The following MACROD1 variants were observed in gnomAD, a reference collection of about 807,000 sequenced individuals.
The protein encoded by MACROD1 is ADP-ribose glycohydrolase MACROD1.
MACROD1 carries 31 observed loss-of-function variants against 41.4 expected under a neutral mutation model. The ratio of observed to expected loss-of-function variants is 0.75; its 90% CI spans 0.56 to 1.01. The LOEUF is 1.01. Ranked by LOEUF, MACROD1 falls within the 50% of genes least tolerant of loss-of-function variation. The pLI, the probability that MACROD1 is intolerant of heterozygous loss-of-function variation, is 0.00. For synonymous variants in MACROD1, 252 were observed against 203.4 expected, an observed-to-expected ratio of 1.24 and a Z score of -2.03; for missense variants, 473 against 460.0, an observed-to-expected ratio of 1.03 and a Z score of -0.26.
chr11:64,060,842 G>T (rs1402020883), intron 3 of MACROD1, among the ~76,000 whole-genome samples: 1 of 152,172 alleles, frequency 6.6e-6, no homozygotes, highest in Admixed American at 6.5e-5. Context: ...CCCGGAGCCG[G>T]CGGGTGTGAA....
rs754218375 is a variant in MACROD1 at position 63,999,395 on chromosome 11, C to G, written c.827G>C (p.Cys276Ser). 2.3e-5 allele frequency: 36 copies of G among 1,591,420 alleles called. No individual in the cohort carries two copies. Among genetic ancestry groups the G allele is most frequent in the African/African-American group, 1.3e-4 (10 of 74,774 alleles). ...CISTGVFGYP[C>S]EAAAEIVLAT... Reference sequence around the variant, plus strand: ...CAGCACGATCTCGGCGGCCGCCTCACAGGGGTAGCCTGAGGCGGGTGGGGC... The same window carrying G: ...CAGCACGATCTCGGCGGCCGCCTCAGAGGGGTAGCCTGAGGCGGGTGGGGC... The change falls in exon 8 of 11, where the codon TGT becomes TCT. Residue 276 changes from cysteine to serine, a missense_variant. Transcript: ENST00000255681.
chr11:64,052,716 C>G (rs1418657483), intron 3 of MACROD1, among the ~76,000 whole-genome samples: 2 of 152,202 alleles, frequency 1.3e-5, no homozygotes, highest in Non-Finnish European at 2.9e-5. Context: ...AGCCAAGTAG[C>G]CTGCCACAAC....
chr11:64,127,816 G>T (rs1945208820), intron 3 of MACROD1, among the ~76,000 whole-genome samples: 1 of 152,096 alleles, frequency 6.6e-6, no homozygotes, highest in Non-Finnish European at 1.5e-5. Context: ...CACCACCCCA[G>T]ACGCCCCCCA....
At position 64,021,658 on chromosome 11, in the gene MACROD1, G is replaced by C. The variant is rs1243256971; in HGVS notation, c.518-6377C>G. Among the ~76,000 whole-genome samples, 3 of 152,150 alleles carry C rather than the reference G, an allele frequency of 2.0e-5. No individual in the cohort carries two copies. In the East Asian group the frequency reaches 5.9e-4, roughly 30 times the overall value. On this transcript the variant is annotated intron_variant, in intron 3 of 10. Coordinates refer to ENST00000255681, the MANE Select transcript of MACROD1 (RefSeq NM_014067.4). ...GAGGGGCCCCAGCCAGGAGTTGGGG[G>C]GGTGGGGGCTGCTCCCCTAAGTCAC...
chr11:64,128,060 C>T (rs960021482), intron 3 of MACROD1, among the ~76,000 whole-genome samples: 1 of 152,182 alleles, frequency 6.6e-6, no homozygotes, highest in Non-Finnish European at 1.5e-5. Flanking sequence ...TCTCAGTGGC[C>T]GGTGGCCCTG....
At chr11:64,105,526 G>T (rs1944746206) in intron 3 of MACROD1, among the ~76,000 whole-genome samples, 1 of 152,154 alleles carries the variant, frequency 6.6e-6, no homozygotes, top group Non-Finnish European at 1.5e-5. Flanking sequence ...CTCCACACAG[G>T]CTGTGGCCAG....
Position 64,012,130 on chromosome 11 carries a change from C to T in MACROD1, c.547+3122G>A, listed in dbSNP as rs370360890. Among the ~76,000 whole-genome samples the T allele has an allele frequency of 7.7e-4, 118 of 152,300 alleles. 3 individuals carry two copies. In the South Asian group the frequency reaches 0.02, roughly 26 times the overall value. ...CCACTTCCTCCAGGGGCACCCGCCC[C>T]GTCCATCTCTCCATCAGTCAGGTTG... On this transcript the variant is annotated intron_variant, in intron 4 of 10. Transcript: ENST00000255681.
intron 3 of MACROD1, chr11:64,117,297 A>G: frequency 6.2e-7 from 1 of 1,614,166 alleles, no homozygotes; most frequent in Non-Finnish European, 8.5e-7. Context: ...GGACTGGGTG[A>G]AGGCACGGGC....
intron 3 of MACROD1, among the ~76,000 whole-genome samples, chr11:64,054,124 C>A (rs1444430370): frequency 1.3e-5 from 2 of 152,108 alleles, no homozygotes; most frequent in Admixed American, 6.5e-5. Context: ...TGAGTTCTAC[C>A]AGGCAGGAGC....
intron 3 of MACROD1, among the ~76,000 whole-genome samples, chr11:64,136,133 A>T (rs528091471): frequency 6.6e-6 from 1 of 152,342 alleles, no homozygotes; most frequent in South Asian, 2.1e-4. Context: ...AGTGGATCCC[A>T]TCAGAGACCA....
intron 3 of MACROD1, among the ~76,000 whole-genome samples, chr11:64,037,956 C>T (rs1449105803): frequency 6.6e-6 from 1 of 152,194 alleles, no homozygotes; most frequent in Non-Finnish European, 1.5e-5. Flanking sequence ...TGGTCCTGCT[C>T]CTGGACTGGA....
chr11:64,074,721 A>G (rs528609108), intron 3 of MACROD1, among the ~76,000 whole-genome samples: 51 of 152,250 alleles, frequency 3.3e-4, no homozygotes, highest in African/African-American at 1.2e-3. Context: ...TGGGTCCCTG[A>G]GCTGCTGCCC....
At chr11:64,041,566 T>G (rs1366959424) in intron 3 of MACROD1, among the ~76,000 whole-genome samples, 1 of 151,574 alleles carries the variant, frequency 6.6e-6, no homozygotes, top group Non-Finnish European at 1.5e-5. Flanking sequence ...GGGCTTCGTG[T>G]AGGGCAGAGC....
intron 3 of MACROD1, among the ~76,000 whole-genome samples, chr11:64,128,923 C>T (rs1435271079): frequency 6.6e-6 from 1 of 152,350 alleles, no homozygotes; most frequent in East Asian, 1.9e-4. Flanking sequence ...CAGCCAATCA[C>T]TCCATGGATC....
At chr11:64,069,761 G>T (rs571078940) in intron 3 of MACROD1, among the ~76,000 whole-genome samples, 2 of 152,306 alleles carry the variant, frequency 1.3e-5, no homozygotes, top group Admixed American at 6.5e-5. Flanking sequence ...TAAATGCTTC[G>T]CCAGGAAACC....
At chr11:64,023,391 C>T (rs2134352933) in intron 3 of MACROD1, among the ~76,000 whole-genome samples, 1 of 152,208 alleles carries the variant, frequency 6.6e-6, no homozygotes, top group East Asian at 1.9e-4. Flanking sequence ...GGGGGGTGAT[C>T]ATTTAACTGA....
chr11:64,142,944 C>T (rs1290143260), intron 3 of MACROD1, among the ~76,000 whole-genome samples: 2 of 151,884 alleles, frequency 1.3e-5, no homozygotes, highest in Middle Eastern at 3.2e-3. Context: ...GGCGAGACCT[C>T]GTCTCTACAA....
At chr11:64,010,550 C>T (rs1218014527) in intron 4 of MACROD1, among the ~76,000 whole-genome samples, 1 of 108,100 alleles carries the variant, frequency 9.3e-6, no homozygotes, top group Admixed American at 1.0e-4. Flanking sequence ...TGTTGGTTGG[C>T]ATGTGTTGGT....
At chr11:64,094,666 G>A (rs56286917) in intron 3 of MACROD1, among the ~76,000 whole-genome samples, 45,827 of 152,174 alleles carry the variant, frequency 0.3, 8,772 homozygotes, top group Middle Eastern at 0.47. Flanking sequence ...TGGCTGCTGC[G>A]GGCGGGACCA....
Sources: gnomAD v4.1 joint callset for allele counts (sites outside exome capture counted in the v4.1 genomes callset) on GRCh38, gnomAD v4.1.1 for gene constraint, MANE v1.5 for transcripts, NCBI Gene and HGNC (gene_info 2026-07-23, HGNC 2026-07-21) for gene names.